Variants in PDIA5 observed in about 807,000 individuals in gnomAD.
PDIA5 encodes the protein protein disulfide-isomerase A5.
PDIA5 carries 58 observed loss-of-function variants against 77.6 expected under a neutral mutation model. The observed-to-expected ratio is 0.75, with a 90% CI of 0.61 to 0.93. PDIA5 has a LOEUF of 0.93. Ranked by LOEUF, PDIA5 falls within the 40% of genes least tolerant of loss-of-function variation. The probability of loss-of-function intolerance (pLI) is 0.00; values close to 1 mark genes in which losing one functional copy is unlikely to be tolerated. For synonymous variants in PDIA5, 250 were observed against 252.1 expected (o/e 0.99, Z 0.08); for missense variants, 630 against 647.7 (o/e 0.97, Z 0.30).
intron 3 of PDIA5, among the ~76,000 whole-genome samples, chr3:123,099,732 C>T (rs1934533797): frequency 6.6e-6 from 1 of 152,224 alleles, no homozygotes; most frequent in South Asian, 2.1e-4. Flanking sequence ...CCTCAGGGAA[C>T]CTAAGACTGC....
chr3:123,068,452 A>G (rs1291425182), intron 1 of PDIA5, among the ~76,000 whole-genome samples: 2 of 152,128 alleles, frequency 1.3e-5, no homozygotes, highest in East Asian at 3.9e-4. Context: ...GGAGTGGGGC[A>G]GTGTCACTTA....
chr3:123,116,678 G>C (rs1426298695), intron 8 of PDIA5, among the ~76,000 whole-genome samples: 1 of 152,220 alleles, frequency 6.6e-6, no homozygotes, highest in Non-Finnish European at 1.5e-5. Flanking sequence ...GCAAAGAAGA[G>C]GGTGTGATGA....
At chr3:123,099,575 C>A (rs1213267473) in intron 3 of PDIA5, among the ~76,000 whole-genome samples, 1 of 152,206 alleles carries the variant, frequency 6.6e-6, no homozygotes, top group Non-Finnish European at 1.5e-5. Context: ...TCGTGGGGCG[C>A]TTGCTCAGGT....
At chr3:123,110,087 A>T (rs1934825659) in intron 6 of PDIA5, among the ~76,000 whole-genome samples, 1 of 152,224 alleles carries the variant, frequency 6.6e-6, no homozygotes, top group South Asian at 2.1e-4. Context: ...ATATGCTCTT[A>T]TCATCGTGCT....
At chr3:123,085,140 T>C (rs1934103705) in intron 1 of PDIA5, among the ~76,000 whole-genome samples, 1 of 152,170 alleles carries the variant, frequency 6.6e-6, no homozygotes, top group Non-Finnish European at 1.5e-5. Context: ...CACATACTGA[T>C]AGTGGGTGAC....
intron 1 of PDIA5, among the ~76,000 whole-genome samples, chr3:123,069,181 A>T (rs905299304): frequency 1.3e-5 from 2 of 152,290 alleles, no homozygotes; most frequent in Middle Eastern, 3.4e-3. Context: ...GTAAATTTAA[A>T]TGCTGTATCT....
intron 10 of PDIA5, among the ~76,000 whole-genome samples, chr3:123,128,027 C>T (rs1189670225): frequency 6.6e-6 from 1 of 152,216 alleles, no homozygotes; most frequent in African/African-American, 2.4e-5. Flanking sequence ...CTCAGTCCCT[C>T]TCTTCCCAGT....
At chr3:123,153,978 C>T (rs1260615739) in intron 14 of PDIA5, among the ~76,000 whole-genome samples, 1 of 152,138 alleles carries the variant, frequency 6.6e-6, no homozygotes, top group African/African-American at 2.4e-5. Context: ...CCCTCAGAGC[C>T]CTTCTGTGCC....
intron 10 of PDIA5, among the ~76,000 whole-genome samples, chr3:123,129,244 T>C (rs1336239997): frequency 1.3e-5 from 2 of 152,236 alleles, no homozygotes; most frequent in Admixed American, 6.5e-5. Flanking sequence ...TGGTGACTCA[T>C]TCTGAAGCTT....
At chr3:123,120,430 CAT>C (rs917137047) in intron 8 of PDIA5, among the ~76,000 whole-genome samples, 6 of 152,222 alleles carry the variant, frequency 3.9e-5, no homozygotes, top group Non-Finnish European at 8.8e-5. Flanking sequence ...ACAGAGCACT[CAT>C]AGACACAGAT....
chr3:123,128,316 T>C (rs948744116), intron 10 of PDIA5, among the ~76,000 whole-genome samples: 1 of 152,194 alleles, frequency 6.6e-6, no homozygotes, highest in Non-Finnish European at 1.5e-5. Flanking sequence ...ACTCCTGAAC[T>C]GTTATTTTAG....
At chr3:123,067,932 T>C (rs1444021933) in intron 1 of PDIA5, among the ~76,000 whole-genome samples, 1 of 152,186 alleles carries the variant, frequency 6.6e-6, no homozygotes, top group Non-Finnish European at 1.5e-5. Context: ...GAGGAAGCTG[T>C]GTAAACTGCA....
At chr3:123,150,484 C>G in intron 14 of PDIA5, 120 bp downstream of exon 14, 1 of 896,242 alleles carries the variant, frequency 1.1e-6, no homozygotes, top group South Asian at 1.9e-5. Flanking sequence ...CCAGGGTCAT[C>G]TCCATTATGA....
chr3:123,098,061 T>C (rs755107902), intron 3 of PDIA5, among the ~76,000 whole-genome samples: 5 of 152,142 alleles, frequency 3.3e-5, no homozygotes, highest in Non-Finnish European at 7.4e-5. Flanking sequence ...GGAGGTTTTT[T>C]TGTCTCCATC....
At chr3:123,084,217 C>T (rs1934079232) in intron 1 of PDIA5, among the ~76,000 whole-genome samples, 1 of 152,190 alleles carries the variant, frequency 6.6e-6, no homozygotes, top group Non-Finnish European at 1.5e-5. Flanking sequence ...TTCTTCTGAC[C>T]CTGTGGCACT....
chr3:123,092,550 A>T lies in PDIA5; in HGVS notation c.257+108A>T, dbSNP rs1445625288. On this transcript the variant is annotated intron_variant, in intron 3 of 16. Coordinates refer to ENST00000316218, the MANE Select transcript of PDIA5 (RefSeq NM_006810.4). ...CTTGATTAATAATCTGGGAGAGAGG[A>T]TGCGATGGAAAGATTCCATCTAGTG... 4.8e-6 allele frequency: 4 copies of T among 841,630 alleles called. No homozygotes were observed. In the East Asian group the frequency reaches 1.0e-4, roughly 21 times the overall value. The allele number at this position is 841,630 out of a possible 1,614,324, so 52.1% of individuals were successfully genotyped here.
intron 10 of PDIA5, among the ~76,000 whole-genome samples, chr3:123,128,200 G>A (rs575760156): frequency 1.3e-5 from 2 of 152,364 alleles, no homozygotes; most frequent in African/African-American, 4.8e-5. Flanking sequence ...CTGCTTCAAG[G>A]AGTGGGCCCC....
At chr3:123,069,375 G>T (rs1248830679) in intron 1 of PDIA5, among the ~76,000 whole-genome samples, 1 of 152,184 alleles carries the variant, frequency 6.6e-6, no homozygotes, top group Admixed American at 6.5e-5. Context: ...ATGTGGAAAT[G>T]GGTTAAATGC....
chr3:123,160,530 C>T (rs1936135087), intron 15 of PDIA5, among the ~76,000 whole-genome samples: 2 of 152,192 alleles, frequency 1.3e-5, no homozygotes, highest in African/African-American at 4.8e-5. Flanking sequence ...ATACAGAGCG[C>T]CTTTGCCCCA....
Sources: gnomAD v4.1 joint callset for allele counts (sites outside exome capture counted in the v4.1 genomes callset) on GRCh38, gnomAD v4.1.1 for gene constraint, MANE v1.5 for transcripts, NCBI Gene and HGNC (gene_info 2026-07-23, HGNC 2026-07-21) for gene names.